PRRC2B: variants seen among roughly 807,000 people sequenced by gnomAD.
PRRC2B encodes the protein proline rich coiled-coil 2B, also known as protein PRRC2B.
A neutral mutation model predicts 242.3 loss-of-function variants in PRRC2B; 68 were observed. The ratio of observed to expected loss-of-function variants is 0.28; its 90% CI spans 0.23 to 0.34. The LOEUF (loss-of-function observed/expected upper bound fraction) is 0.34, where lower values mean the gene tolerates loss of function less well. Among genes scored for constraint, PRRC2B ranks in the 10% least tolerant of loss-of-function variants. The pLI is 1.00. For synonymous variants in PRRC2B, 1,228 were observed against 1,173.6 expected, an observed-to-expected ratio of 1.05 and a Z score of -0.95; for missense variants, 2,835 against 2,954.8, an observed-to-expected ratio of 0.96 and a Z score of 0.94.
intron 1 of PRRC2B, among the ~76,000 whole-genome samples, chr9:131,412,655 G>T (rs1329150130): frequency 6.6e-6 from 1 of 152,192 alleles, no homozygotes; most frequent in Non-Finnish European, 1.5e-5. Flanking sequence ...CAAATTAACC[G>T]CTGGATTCCC....
chr9:131,443,144 T>C (rs1454608389), intron 5 of PRRC2B, among the ~76,000 whole-genome samples: 1 of 151,338 alleles, frequency 6.6e-6, no homozygotes, highest in Non-Finnish European at 1.5e-5. Flanking sequence ...TTATTATTTT[T>C]TTTTTTTGAG....
intron 1 of PRRC2B, among the ~76,000 whole-genome samples, chr9:131,418,245 CAGTA>C (rs1337868059): frequency 6.6e-6 from 1 of 152,232 alleles, no homozygotes; most frequent in Non-Finnish European, 1.5e-5. Flanking sequence ...ACTGAGAAAA[CAGTA>C]AGTGCAGGAG....
chr9:131,409,250 G>A (rs1027814685), intron 1 of PRRC2B, among the ~76,000 whole-genome samples: 1 of 152,220 alleles, frequency 6.6e-6, no homozygotes, highest in African/African-American at 2.4e-5. Flanking sequence ...TCGAACTCCC[G>A]ACCTCAGGTG....
intron 1 of PRRC2B, among the ~76,000 whole-genome samples, chr9:131,389,065 C>G (rs917308328): frequency 2.0e-5 from 3 of 149,814 alleles, no homozygotes; most frequent in Non-Finnish European, 4.4e-5. Flanking sequence ...TGGTCTCGAA[C>G]TCCTGAGCTC....
intron 15 of PRRC2B, 129 bp from the exon 16 acceptor site, chr9:131,474,325 G>C: frequency 1.3e-6 from 1 of 781,290 alleles, no homozygotes; most frequent in Non-Finnish European, 2.0e-6. Context: ...TGTTTTTCTA[G>C]CTTTCTTTTT....
chr9:131,473,431 TG>T (rs5900941), intron 14 of PRRC2B, 76 bp from the exon 15 acceptor site: 1,010,764 of 1,089,894 alleles, frequency 0.93, 470,317 homozygotes, highest in South Asian at 0.97. Flanking sequence ...TTAACTTCTT[TG>T]GGCCTTTGGT....
chr9:131,425,124 T>G (rs1588243623), intron 1 of PRRC2B, among the ~76,000 whole-genome samples: 1 of 152,128 alleles, frequency 6.6e-6, no homozygotes, highest in Non-Finnish European at 1.5e-5. Context: ...TAGCTGAGAT[T>G]ACAGGCGTGC....
chr9:131,385,341 C>CA lies in PRRC2B; in HGVS notation c.-56+11623dup, dbSNP rs112849330. 4.7e-3 allele frequency among the ~76,000 whole-genome samples: 636 copies of CA among 135,356 alleles called. 22 individuals carry two copies. The highest frequency in any genetic ancestry group is 8.9e-3 in the South Asian group (38 of 4,254). The allele number at this position is 135,356 out of a possible 152,430, so 88.8% of individuals were successfully genotyped here. A position where few individuals can be genotyped will look rare whatever the true frequency, so the allele number is the denominator to read the frequency against. On this transcript the variant is annotated intron_variant, in intron 1 of 1. Coordinates refer to the PRRC2B transcript ENST00000682525. ...GGGTAACGAGCGAAAAACTCCGTCT[C>CA]AAAAAAAAAAAAAGTTTCCTTCAGG...
In PRRC2B at chr9:131,411,341, GTT is replaced by G. The variant is rs1564276342; in HGVS notation, c.-52+17083_-52+17084del. ...TTTGTTTGTTTTTTTGTTTTGTTTTGTTTTTTGTTTTGTTTTTTTTTTTGAGA... is the reference window on the plus strand; with the variant it reads ...TTTGTTTGTTTTTTTGTTTTGTTTTGTTTTGTTTTGTTTTTTTTTTTGAGA... On this transcript the variant is annotated intron_variant, in intron 1 of 31. Coordinates refer to ENST00000683519, the MANE Select transcript of PRRC2B (RefSeq NM_013318.4). Among the ~76,000 whole-genome samples the G allele has an allele frequency of 4.5e-4, 44 of 98,006 alleles. No homozygotes were observed. The East Asian group carries it at 0.013, about 29-fold the overall frequency. The allele number at this position is 98,006 out of a possible 152,430, so 64.3% of individuals were successfully genotyped here.
At chr9:131,410,525 C>G (rs1306912643) in intron 1 of PRRC2B, among the ~76,000 whole-genome samples, 1 of 152,178 alleles carries the variant, frequency 6.6e-6, no homozygotes, top group Non-Finnish European at 1.5e-5. Flanking sequence ...CAACACTGCC[C>G]AAGTAAGTCT....
intron 9 of PRRC2B, among the ~76,000 whole-genome samples, chr9:131,454,228 T>A (rs915380462): frequency 1.3e-5 from 2 of 152,216 alleles, no homozygotes; most frequent in South Asian, 4.1e-4. Context: ...CAAATAATAT[T>A]CCATTGTGTG....
intron 13 of PRRC2B, among the ~76,000 whole-genome samples, chr9:131,468,366 GC>G (rs950931977): frequency 1.3e-5 from 2 of 152,174 alleles, no homozygotes; most frequent in Non-Finnish European, 2.9e-5. Flanking sequence ...ATGAATACCT[GC>G]CTTTCAGCAT....
At position 131,482,089 on chromosome 9, in the gene PRRC2B, T is replaced by C. The variant is rs1490899455; in HGVS notation, c.4983+281T>C. On this transcript the variant is annotated intron_variant, in intron 20 of 31. Coordinates refer to ENST00000683519, the MANE Select transcript of PRRC2B (RefSeq NM_013318.4). The surrounding 1 kb of genome is among the most constrained non-coding windows in gnomAD (Gnocchi z 5.2). ...ATTCAGGGCCTCCTCTGAACTGGTG[T>C]CAGCAGCCACGTAGTCTGGTTTGGG... Among the ~76,000 whole-genome samples, 1 of 152,178 alleles carries C rather than the reference T, an allele frequency of 6.6e-6. No homozygotes were observed. Among genetic ancestry groups the C allele is most frequent in the Non-Finnish European group, 1.5e-5 (1 of 68,030 alleles).
chr9:131,475,826 G>A lies in PRRC2B; in HGVS notation c.3697G>A (p.Gly1233Ser). 1 of 1,612,798 alleles carries A rather than the reference G, an allele frequency of 6.2e-7. No individual in the cohort carries two copies. The highest frequency in any genetic ancestry group is 8.5e-7 in the Non-Finnish European group (1 of 1,178,940). Residue 1233 changes from glycine (G) to serine (S), a missense_variant, in exon 16 of 32, where the codon GGC becomes AGC. Physicochemically the swap from Gly to Ser is moderately conservative, Grantham distance 56. This residue lies in a region of PRRC2B where 1,536 missense variants were observed against 1,483.1 expected (regional missense o/e 1.04). Transcript: ENST00000683519. Reference protein sequence around the residue: ...ESPHWQSKSPGSSWQEYGPSD... With the variant: ...ESPHWQSKSPSSSWQEYGPSD... ...ACCCCACTGGCAGAGCAAAAGTCCA[G>A]GCAGCTCTTGGCAGGAATATGGCCC...
rs1361868264 is a variant in PRRC2B, at chr9:131,376,957, T to TG, written c.-56+3227dup. Among the ~76,000 whole-genome samples the TG allele has an allele frequency of 2.0e-5, 3 of 151,994 alleles. No homozygotes were observed. In the East Asian group the frequency reaches 5.8e-4, roughly 30 times the overall value. ...AGGAGTTTGAGGCTGCAGTGAGTTG[T>TG]GATGGCACCACTGTACTCCAGCCTG... is the stretch of plus-strand genomic sequence containing the variant. On this transcript the variant is annotated intron_variant, in intron 1 of 1. Coordinates refer to the PRRC2B transcript ENST00000682525.
At chr9:131,396,325 C>CTTTTTTTTTTTTTTTTTTTTTT (rs1165485887) in intron 1 of PRRC2B, among the ~76,000 whole-genome samples, 1 of 132,950 alleles carries the variant, frequency 7.5e-6, no homozygotes, top group African/African-American at 3.0e-5. Flanking sequence ...CTTTTCTTTT[C>CTTTTTTTTTTTTTTTTTTTTTT]TTTTTTTTTT....
intron 9 of PRRC2B, among the ~76,000 whole-genome samples, chr9:131,450,630 C>T (rs552409820): frequency 6.6e-6 from 1 of 151,684 alleles, no homozygotes; most frequent in Non-Finnish European, 1.5e-5. Flanking sequence ...CTCTGCCACA[C>T]AGGCTGGAGT....
chr9:131,416,518 T>C (rs889014118), intron 1 of PRRC2B, among the ~76,000 whole-genome samples: 2 of 152,190 alleles, frequency 1.3e-5, no homozygotes, highest in African/African-American at 2.4e-5. Flanking sequence ...ACACATCTTA[T>C]GTTAGTACAG....
chr9:131,457,620 CTT>C (rs145330660), intron 10 of PRRC2B, among the ~76,000 whole-genome samples: 300 of 152,282 alleles, frequency 2.0e-3, no homozygotes, highest in African/African-American at 7.1e-3. Context: ...TCTGTCTCCT[CTT>C]TTCATTTTCT....
Sources: allele counts gnomAD v4.1 joint callset (sites outside exome capture counted in the v4.1 genomes callset), GRCh38; gene constraint gnomAD v4.1.1; regional missense constraint gnomAD v4.1.1; non-coding constraint Gnocchi (gnomAD v3.1); transcripts MANE v1.5; gene names NCBI Gene and HGNC (gene_info 2026-07-23, HGNC 2026-07-21).